GRIK3: variants seen among roughly 807,000 people sequenced by gnomAD.
The protein encoded by GRIK3 is glutamate receptor ionotropic, kainate 3.
In GRIK3, 29 loss-of-function variants were observed where a neutral mutation model predicts 102.5. The ratio of observed to expected loss-of-function variants is 0.28; its 90% CI spans 0.21 to 0.39. The LOEUF (loss-of-function observed/expected upper bound fraction) is 0.39, where lower values mean the gene tolerates loss of function less well. Among genes scored for constraint, GRIK3 ranks in the 10% least tolerant of loss-of-function variants. The pLI, the probability that GRIK3 is intolerant of heterozygous loss-of-function variation, is 1.00. For missense variants in GRIK3, 908 were observed against 1,252.4 expected (o/e 0.73, Z 4.15); for synonymous variants, 511 against 504.9 (o/e 1.01, Z -0.16).
At chr1:36,897,017 T>C (rs1641179999) in intron 1 of GRIK3, among the ~76,000 whole-genome samples, 1 of 152,200 alleles carries the variant, frequency 6.6e-6, no homozygotes, top group Non-Finnish European at 1.5e-5. Context: ...AAAAGCCATT[T>C]ATGAATAGCC....
At chr1:36,874,738 C>T (rs1640894718) in intron 3 of GRIK3, among the ~76,000 whole-genome samples, 1 of 152,168 alleles carries the variant, frequency 6.6e-6, no homozygotes, top group Admixed American at 6.5e-5. Flanking sequence ...CTTTGGGGAC[C>T]CAGGCTATGA....
chr1:36,950,600 T>A (rs1274835222), intron 1 of GRIK3, among the ~76,000 whole-genome samples: 1 of 152,224 alleles, frequency 6.6e-6, no homozygotes, highest in East Asian at 1.9e-4. Flanking sequence ...TCTTTGGCTG[T>A]GCAGACGGTG....
chr1:36,998,118 CA>C (rs1642439210), intron 1 of GRIK3, among the ~76,000 whole-genome samples: 1 of 152,130 alleles, frequency 6.6e-6, no homozygotes, highest in South Asian at 2.1e-4. Context: ...TTATAGGGGC[CA>C]AATTTGGGCC....
intron 5 of GRIK3, among the ~76,000 whole-genome samples, chr1:36,862,177 A>G (rs1237458590): frequency 6.6e-6 from 1 of 152,162 alleles, no homozygotes; most frequent in Non-Finnish European, 1.5e-5. Context: ...TGGGAGCTGA[A>G]TGTTAGCATT....
intron 1 of GRIK3, among the ~76,000 whole-genome samples, chr1:37,006,324 C>G: frequency 6.6e-6 from 1 of 152,284 alleles, no homozygotes; most frequent in East Asian, 1.9e-4. Context: ...GATAACGCAA[C>G]GAGGGAGGAA....
At chr1:36,890,513 G>A (rs548625056) in intron 2 of GRIK3, among the ~76,000 whole-genome samples, 26 of 151,874 alleles carry the variant, frequency 1.7e-4, no homozygotes, top group Admixed American at 1.5e-3. Flanking sequence ...CAGGGACTCT[G>A]ACTGCCAGAA....
At chr1:36,810,087 C>G (rs959718155) in intron 13 of GRIK3, among the ~76,000 whole-genome samples, 1 of 152,170 alleles carries the variant, frequency 6.6e-6, no homozygotes, top group African/African-American at 2.4e-5. Flanking sequence ...GTCCTTCTGT[C>G]CTTGAGCAGT....
chr1:36,985,686 T>C (rs1168196949), intron 1 of GRIK3, among the ~76,000 whole-genome samples: 4 of 152,252 alleles, frequency 2.6e-5, no homozygotes, highest in South Asian at 2.1e-4. Context: ...CTTCCTCCTA[T>C]ACAACAGTGA....
chr1:36,844,840 A>T (rs923722472), intron 9 of GRIK3, among the ~76,000 whole-genome samples: 1 of 152,120 alleles, frequency 6.6e-6, no homozygotes, highest in Non-Finnish European at 1.5e-5. Flanking sequence ...GCCACACCCA[A>T]TGCATCAAAG....
intron 3 of GRIK3, among the ~76,000 whole-genome samples, chr1:36,875,495 A>C (rs1438661524): frequency 6.6e-6 from 1 of 152,264 alleles, no homozygotes; most frequent in Non-Finnish European, 1.5e-5. Flanking sequence ...TGTTTTGGCC[A>C]GTGGGATGTT....
chr1:37,009,302 C>T (rs1275555885), intron 1 of GRIK3, among the ~76,000 whole-genome samples: 1 of 152,114 alleles, frequency 6.6e-6, no homozygotes, highest in Non-Finnish European at 1.5e-5. Flanking sequence ...TTTTTCTCTT[C>T]TGATGATCTC....
intron 9 of GRIK3, among the ~76,000 whole-genome samples, chr1:36,845,929 G>A (rs912780306): frequency 5.3e-5 from 8 of 152,260 alleles, no homozygotes; most frequent in East Asian, 3.9e-4. Context: ...GGGTCACGAT[G>A]TGCACACGGC....
intron 5 of GRIK3, among the ~76,000 whole-genome samples, chr1:36,868,472 G>T (rs1182866067): frequency 2.6e-5 from 4 of 152,204 alleles, no homozygotes. Flanking sequence ...GTGGGCACAG[G>T]GTGCAGAGGG....
intron 13 of GRIK3, among the ~76,000 whole-genome samples, chr1:36,813,117 A>C (rs1189596789): frequency 6.6e-6 from 1 of 152,268 alleles, no homozygotes; most frequent in Non-Finnish European, 1.5e-5. Flanking sequence ...GACCAAGAGC[A>C]TAGGCACTAG....
chr1:36,959,899 A>G (rs796560292), intron 1 of GRIK3, among the ~76,000 whole-genome samples: 7 of 33,864 alleles, frequency 2.1e-4, no homozygotes. Context: ...TCTGTGCCCC[A>G]TGAGCCTGTG....
intron 1 of GRIK3, among the ~76,000 whole-genome samples, chr1:36,908,321 G>T (rs1362883334): frequency 6.6e-6 from 1 of 152,192 alleles, no homozygotes; most frequent in Admixed American, 6.5e-5. Context: ...TGCTGGAGAT[G>T]GGGAAGGGGA....
intron 5 of GRIK3, among the ~76,000 whole-genome samples, chr1:36,863,354 C>G (rs549267063): frequency 6.6e-6 from 1 of 152,280 alleles, no homozygotes; most frequent in East Asian, 1.9e-4. Flanking sequence ...TAAATCCAAG[C>G]CTGTCATTTC....
At chr1:36,945,473 A>G (rs1406281378) in intron 1 of GRIK3, among the ~76,000 whole-genome samples, 1 of 152,196 alleles carries the variant, frequency 6.6e-6, no homozygotes, top group Non-Finnish European at 1.5e-5. Context: ...AGGCTTTCAG[A>G]CCTGGCAGAG....
At chr1:36,852,299 A>C (rs1640594682) in intron 8 of GRIK3, among the ~76,000 whole-genome samples, 1 of 152,236 alleles carries the variant, frequency 6.6e-6, no homozygotes, top group African/African-American at 2.4e-5. Context: ...CTGTGGCCAC[A>C]GGTACAAGGA....
Sources: allele counts gnomAD v4.1 joint callset (sites outside exome capture counted in the v4.1 genomes callset), GRCh38; gene constraint gnomAD v4.1.1; transcripts MANE v1.5; gene names NCBI Gene and HGNC (gene_info 2026-07-23, HGNC 2026-07-21).